Variants in NSFL1C observed in about 807,000 individuals in gnomAD.
The protein encoded by NSFL1C is NSFL1 cofactor p47.
Under a neutral mutation model 43.1 loss-of-function variants are expected in NSFL1C, and 14 were observed. That is an observed-to-expected ratio of 0.32 (90% confidence interval 0.21 to 0.51). The LOEUF is 0.51. Ranked by LOEUF, NSFL1C falls within the 20% of genes least tolerant of loss-of-function variation. The pLI is 0.98. For missense variants in NSFL1C, 406 were observed against 472.5 expected (o/e 0.86, Z 1.30); for synonymous variants, 171 against 183.5 (o/e 0.93, Z 0.55).
rs1450282688 is a variant in NSFL1C, at chr20:1,464,406, A to G, written c.126T>C (p.Tyr42=). 2.5e-6 allele frequency: 4 copies of G among 1,614,270 alleles called. No individual in the cohort carries two copies. The highest frequency in any genetic ancestry group is 3.4e-6 in the Non-Finnish European group (4 of 1,180,046). ...CAATGTCTTCATCCCCTCCGTCCTC[A>G]TAAAAGCTCGCTAGCGCGATCTGAA... The part of the protein sequence containing the change: ...WDLQIALASF[Y]EDGGDEDIVT... The change falls in exon 2 of 9, where the codon TAT becomes TAC. Residue 42 remains tyrosine, a synonymous_variant. Coordinates refer to ENST00000216879, the MANE Select transcript of NSFL1C (RefSeq NM_016143.5).
rs1033490943 is a variant in NSFL1C at position 1,443,561 on chromosome 20, CA to C, written c.*187del. 1.2e-4 allele frequency: 64 copies of C among 518,542 alleles called. No individual in the cohort carries two copies. Among genetic ancestry groups the C allele is most frequent in the African/African-American group, 1.1e-3 (56 of 52,876 alleles). 32.1% of individuals were successfully genotyped at this position (518,542 alleles called of 1,614,324 possible). On this transcript the variant is annotated 3_prime_UTR_variant, in exon 9 of 9. Transcript: ENST00000216879. Reference sequence around the variant, plus strand: ...TTTCATTAAAGTCCATTGATCATCACAAAAACCCAGGAAATGCAACTAAGGA... The same window carrying C: ...TTTCATTAAAGTCCATTGATCATCACAAAACCCAGGAAATGCAACTAAGGA...
intron 8 of NSFL1C, among the ~76,000 whole-genome samples, chr20:1,444,234 G>A (rs1041758922): frequency 6.6e-6 from 1 of 152,096 alleles, no homozygotes; most frequent in African/African-American, 2.4e-5. Context: ...CTTCTTTCCA[G>A]AGGCTCCCCT....
Position 1,455,004 on chromosome 20 carries a change from C to T in NSFL1C, c.407G>A (p.Arg136Gln), listed in dbSNP as rs572522929. The change falls in exon 4 of 9, where the codon CGA becomes CAA. Residue 136 changes from arginine to glutamine, a missense_variant. Arg to Gln is a conservative substitution (Grantham distance 43). Transcript: ENST00000216879. The part of the protein sequence containing the change: ...AKEHGAVAVE[R>Q]VTKSPGETSK... ...GGTCTCTCCAGGGCTCTTGGTCACTCGCTCCACAGCTACAGCTCCATGCTC... is the reference window on the plus strand; with the variant it reads ...GGTCTCTCCAGGGCTCTTGGTCACTTGCTCCACAGCTACAGCTCCATGCTC... The T allele has an allele frequency of 1.0e-4, 169 of 1,614,056 alleles. 1 individual carries two copies. The South Asian group carries it at 1.7e-3, about 16-fold the overall frequency.
rs1444184426 is a variant in NSFL1C, at chr20:1,442,315, G to A, written c.*1434C>T. On this transcript the variant is annotated 3_prime_UTR_variant, in exon 9 of 9. Coordinates refer to ENST00000216879, the MANE Select transcript of NSFL1C (RefSeq NM_016143.5). ...AGGCCACTGCCGGTGTGGGAACTTT[G>A]GGATCAAAAGCACCAAGCCAAGTCC... is the stretch of plus-strand genomic sequence containing the variant. The A allele has an allele frequency of 6.6e-6, 1 of 152,316 alleles. No individual in the cohort carries two copies. Among genetic ancestry groups the A allele is most frequent in the Non-Finnish European group, 1.5e-5 (1 of 68,048 alleles). The allele number at this position is 152,316 out of a possible 1,614,324, so 9.4% of individuals were successfully genotyped here.
At chr20:1,445,609 T>C in intron 8 of NSFL1C, 57 bp downstream of exon 8, 3 of 1,575,272 alleles carry the variant, frequency 1.9e-6, no homozygotes, top group Non-Finnish European at 2.6e-6. Flanking sequence ...TCCCACACAT[T>C]TGCGTGAGGC....
At chr20:1,461,706 C>G (rs1249730700) in intron 2 of NSFL1C, among the ~76,000 whole-genome samples, 1 of 152,156 alleles carries the variant, frequency 6.6e-6, no homozygotes, top group Non-Finnish European at 1.5e-5. Flanking sequence ...TTTACTAGCT[C>G]TGTGATCTTG....
chr20:1,454,303 T>C lies in NSFL1C; in HGVS notation c.447A>G (p.Pro149=), dbSNP rs2090249984. 1 of 1,611,114 alleles carries C rather than the reference T, an allele frequency of 6.2e-7. No homozygotes were observed. Among genetic ancestry groups the C allele is most frequent in the South Asian group, 1.1e-5 (1 of 90,980 alleles). ...CAAGGCGGTAGCCACCTCCTGCAAA[T>C]GGCTATAAGGGACAAGTTCATACAC... ...KSPGETSKPR[P]FAGGGYRLGA... Residue 149 remains proline (P), a splice_region_variant and synonymous_variant, in exon 5 of 9, where the codon CCA becomes CCG. Transcript: ENST00000216879.
At chr20:1,464,225 T>C (rs1401794682) in intron 2 of NSFL1C, 104 bp downstream of exon 2, 2 of 939,398 alleles carry the variant, frequency 2.1e-6, no homozygotes, top group East Asian at 4.8e-5. Context: ...AACCTTCTCA[T>C]TCAGACCTGG....
intron 5 of NSFL1C, among the ~76,000 whole-genome samples, chr20:1,453,918 T>C (rs1854155196): frequency 6.6e-6 from 1 of 152,164 alleles, no homozygotes; most frequent in Non-Finnish European, 1.5e-5. Context: ...CTCGCATCAC[T>C]AGAGAACCCC....
intron 2 of NSFL1C, among the ~76,000 whole-genome samples, chr20:1,459,912 T>C (rs1437831791): frequency 6.6e-6 from 1 of 152,232 alleles, no homozygotes; most frequent in Non-Finnish European, 1.5e-5. Flanking sequence ...TATCTCCCTG[T>C]TGTTAAACTT....
rs1193514014 is a variant in NSFL1C at position 1,466,749 on chromosome 20, A to G, written c.76T>C (p.Phe26Leu). The change falls in exon 1 of 9, where the codon TTT becomes CTT. Residue 26 changes from phenylalanine (F) to leucine (L), a missense_variant. Physicochemically the swap from Phe to Leu is conservative, Grantham distance 22. Around this residue, in one of 3 missense-constraint regions of NSFL1C, gnomAD observed 203 missense variants for 216.3 expected, o/e 0.94. Coordinates refer to ENST00000216879, the MANE Select transcript of NSFL1C (RefSeq NM_016143.5). ...AAGTCCCAGCCGGCCGACTCGAGAA[A>G]GAAGCGGGCCCGGTCCTCCTCGGCG... ...TGAEEDRARF[F>L]LESAGWDLQI... 2 of 1,564,532 alleles carry G rather than the reference A, an allele frequency of 1.3e-6. No homozygotes were observed. Among genetic ancestry groups the G allele is most frequent in the East Asian group, 2.4e-5 (1 of 41,560 alleles).
chr20:1,448,193 CT>C (rs540111045), intron 7 of NSFL1C, among the ~76,000 whole-genome samples: 2 of 152,232 alleles, frequency 1.3e-5, no homozygotes, highest in Non-Finnish European at 2.9e-5. Flanking sequence ...AGCTCCACGC[CT>C]TTTGGGGAAG....
At chr20:1,445,577 G>T in intron 8 of NSFL1C, 89 bp downstream of exon 8, 1 of 1,451,206 alleles carries the variant, frequency 6.9e-7, no homozygotes, top group Non-Finnish European at 9.5e-7. Flanking sequence ...CTGGTATTTA[G>T]GAGGAAGAAC....
At chr20:1,448,622 T>G (rs553693795) in intron 7 of NSFL1C, among the ~76,000 whole-genome samples, 1 of 152,320 alleles carries the variant, frequency 6.6e-6, no homozygotes, top group South Asian at 2.1e-4. Flanking sequence ...GGTGGCCTGA[T>G]AAACATGGTG....
At chr20:1,465,467 T>C (rs1379472423) in intron 1 of NSFL1C, among the ~76,000 whole-genome samples, 1 of 152,192 alleles carries the variant, frequency 6.6e-6, no homozygotes, top group Non-Finnish European at 1.5e-5. Context: ...CACAACACTG[T>C]GTGCTTTTAG....
chr20:1,465,516 G>C (rs1264505059), intron 1 of NSFL1C, among the ~76,000 whole-genome samples: 1 of 152,176 alleles, frequency 6.6e-6, no homozygotes, highest in Non-Finnish European at 1.5e-5. Context: ...GCCCAGCATA[G>C]GGGCTTCCCA....
At chr20:1,453,490 A>G (rs1821063070) in intron 5 of NSFL1C, among the ~76,000 whole-genome samples, 1 of 152,176 alleles carries the variant, frequency 6.6e-6, no homozygotes, top group African/African-American at 2.4e-5. Flanking sequence ...TACCATGGCA[A>G]ATCTTGCTCA....
chr20:1,445,911 G>T, intron 7 of NSFL1C, 81 bp from the exon 8 acceptor site: 1 of 1,448,906 alleles, frequency 6.9e-7, no homozygotes, highest in Non-Finnish European at 9.5e-7. Flanking sequence ...GACTGTTACT[G>T]AGCATTTGCA....
At chr20:1,459,328 C>T (rs919490600) in intron 2 of NSFL1C, among the ~76,000 whole-genome samples, 2 of 152,310 alleles carry the variant, frequency 1.3e-5, no homozygotes, top group East Asian at 3.9e-4. Context: ...TTCACACATG[C>T]TTTCTCCTGC....
Sources: allele counts gnomAD v4.1 joint callset (sites outside exome capture counted in the v4.1 genomes callset), GRCh38; gene constraint gnomAD v4.1.1; regional missense constraint gnomAD v4.1.1; transcripts MANE v1.5; gene names NCBI Gene and HGNC (gene_info 2026-07-23, HGNC 2026-07-21).